TSNARE1: variants seen among roughly 807,000 people sequenced by gnomAD.
The protein encoded by TSNARE1 is t-SNARE domain-containing protein 1.
TSNARE1 carries 49 observed loss-of-function variants against 62.0 expected under a neutral mutation model. That is an observed-to-expected ratio of 0.79 (90% CI 0.63 to 1.00). The LOEUF is 1.00. Ranked by LOEUF, TSNARE1 falls within the 50% of genes least tolerant of loss-of-function variation. The probability of loss-of-function intolerance (pLI) is 0.00; values close to 1 mark genes in which losing one functional copy is unlikely to be tolerated. For synonymous variants in TSNARE1, 328 were observed against 294.4 expected, an observed-to-expected ratio of 1.11 and a Z score of -1.17; for missense variants, 755 against 700.1, an observed-to-expected ratio of 1.08 and a Z score of -0.88.
intron 4 of TSNARE1, among the ~76,000 whole-genome samples, chr8:142,337,491 C>T (rs573057272): frequency 6.6e-6 from 1 of 152,350 alleles, no homozygotes; most frequent in East Asian, 1.9e-4. Flanking sequence ...ATGCCTGCCG[C>T]CCAGCAATAA....
chr8:142,282,022 T>A (rs574822612), intron 11 of TSNARE1, among the ~76,000 whole-genome samples: 19 of 152,270 alleles, frequency 1.2e-4, no homozygotes, highest in Admixed American at 9.8e-4. Flanking sequence ...GGCGCTAAGG[T>A]AGGACCTGAC....
intron 12 of TSNARE1, among the ~76,000 whole-genome samples, chr8:142,251,072 C>G (rs374744500): frequency 9.2e-5 from 14 of 152,178 alleles, no homozygotes; most frequent in African/African-American, 3.1e-4. Flanking sequence ...AGAGGGTTTG[C>G]TGGGGATCAT....
intron 10 of TSNARE1, 45 bp downstream of exon 10, chr8:142,300,441 A>C: frequency 6.4e-7 from 1 of 1,562,550 alleles, no homozygotes; most frequent in Non-Finnish European, 8.6e-7. Context: ...TCCCAGCCTC[A>C]TGTGGAGTGT....
chr8:142,213,889 C>G (rs943514441), intron 13 of TSNARE1, among the ~76,000 whole-genome samples: 1 of 152,126 alleles, frequency 6.6e-6, no homozygotes, highest in Admixed American at 6.5e-5. Context: ...CCCAGCCCCC[C>G]AGGAAGCCCT....
At chr8:142,268,187 A>G (rs1327485846) in intron 12 of TSNARE1, among the ~76,000 whole-genome samples, 1 of 152,206 alleles carries the variant, frequency 6.6e-6, no homozygotes, top group Non-Finnish European at 1.5e-5. Context: ...ATGGAGCTTC[A>G]TGGACAGCCA....
intron 2 of TSNARE1, among the ~76,000 whole-genome samples, chr8:142,351,173 G>A (rs1834050301): frequency 6.6e-6 from 1 of 152,210 alleles, no homozygotes; most frequent in Non-Finnish European, 1.5e-5. Context: ...GCAGTGAGGG[G>A]AAGCCAAGGT....
chr8:142,225,732 C>G (rs1319449657), intron 13 of TSNARE1, among the ~76,000 whole-genome samples: 1 of 152,240 alleles, frequency 6.6e-6, no homozygotes, highest in Non-Finnish European at 1.5e-5. Flanking sequence ...GAGGCCAACA[C>G]AGGTAACGTA....
chr8:142,354,850 C>T, intron 1 of TSNARE1, 87 bp from the exon 2 acceptor site: 1 of 719,264 alleles, frequency 1.4e-6, no homozygotes, highest in Non-Finnish European at 2.3e-6. Context: ...CCGCCGGCCC[C>T]TCCCCAGCCC....
At chr8:142,297,006 G>A (rs115035777) in intron 10 of TSNARE1, among the ~76,000 whole-genome samples, 2,641 of 152,274 alleles carry the variant, frequency 0.017, 76 homozygotes, top group African/African-American at 0.061. Context: ...CTCTGCCTAC[G>A]GCCACACGGG....
intron 2 of TSNARE1, among the ~76,000 whole-genome samples, chr8:142,349,108 C>T (rs1490463319): frequency 1.3e-5 from 2 of 152,124 alleles, no homozygotes; most frequent in Non-Finnish European, 2.9e-5. Flanking sequence ...GCCAGGCTCG[C>T]CCCCATGCCC....
At chr8:142,274,389 C>T in intron 12 of TSNARE1, 1 of 985,472 alleles carries the variant, frequency 1.0e-6, no homozygotes, top group Non-Finnish European at 1.2e-6. Context: ...AGCCACTGAC[C>T]TGCCCCAACC....
At chr8:142,339,793 C>G (rs1473813388) in intron 4 of TSNARE1, among the ~76,000 whole-genome samples, 1 of 152,252 alleles carries the variant, frequency 6.6e-6, no homozygotes, top group Non-Finnish European at 1.5e-5. Flanking sequence ...GCTCCCCACA[C>G]CTGCTGAGTC....
intron 1 of TSNARE1, among the ~76,000 whole-genome samples, chr8:142,356,942 G>A (rs140885873): frequency 2.9e-3 from 446 of 152,116 alleles, no homozygotes; most frequent in African/African-American, 1.0e-2. Flanking sequence ...AAGGGGGGAC[G>A]CCAAGAAAGG....
chr8:142,386,757 C>G (rs1019747945), intron 1 of TSNARE1, among the ~76,000 whole-genome samples: 7 of 152,140 alleles, frequency 4.6e-5, no homozygotes, highest in African/African-American at 1.7e-4. Flanking sequence ...AATGAATGCA[C>G]TTGAGAATAA....
intron 3 of TSNARE1, among the ~76,000 whole-genome samples, chr8:142,345,393 C>G (rs1833216602): frequency 6.6e-6 from 1 of 152,230 alleles, no homozygotes; most frequent in Non-Finnish European, 1.5e-5. Context: ...ACAGCAAGCA[C>G]TCTGCCACCC....
intron 12 of TSNARE1, among the ~76,000 whole-genome samples, chr8:142,266,761 C>T (rs1436211160): frequency 3.3e-5 from 5 of 152,204 alleles, no homozygotes; most frequent in African/African-American, 1.2e-4. Flanking sequence ...GACCTCTTCA[C>T]ACACTGCTTT....
At chr8:142,277,597 A>G (rs1820719732) in intron 11 of TSNARE1, 13 of 985,276 alleles carry the variant, frequency 1.3e-5, no homozygotes, top group African/African-American at 5.2e-5. Context: ...TGCGCCCACA[A>G]GAGGAAGTCT....
rs535520250 is a variant in TSNARE1 at position 142,263,046 on chromosome 8, A to G, written c.1446+11735T>C. 9.3e-4 allele frequency among the ~76,000 whole-genome samples: 141 copies of G among 152,280 alleles called. 1 individual carries two copies. Among genetic ancestry groups the G allele is most frequent in the African/African-American group, 3.2e-3 (133 of 41,552 alleles). ...GTGTTTCCTCTTTTCCAGTCTTTAC[A>G]TATGATTGGGTGTCCTTTCTAACTG... On this transcript the variant is annotated intron_variant, in intron 12 of 13. Transcript: ENST00000524325.
chr8:142,369,118 A>G (rs952925741), intron 1 of TSNARE1, among the ~76,000 whole-genome samples: 1 of 152,220 alleles, frequency 6.6e-6, no homozygotes, highest in Admixed American at 6.5e-5. Flanking sequence ...AGACGCAGCT[A>G]CTGCTGCAGG....
Sources: allele counts gnomAD v4.1 joint callset (sites outside exome capture counted in the v4.1 genomes callset), GRCh38; gene constraint gnomAD v4.1.1; transcripts MANE v1.5; gene names NCBI Gene and HGNC (gene_info 2026-07-23, HGNC 2026-07-21).